Variants in PTPN4 observed in about 807,000 individuals in gnomAD.
PTPN4 encodes the protein tyrosine-protein phosphatase non-receptor type 4.
In PTPN4, 49 loss-of-function variants were observed where a neutral mutation model predicts 135.5. The observed-to-expected ratio is 0.36, with a 90% CI of 0.29 to 0.46. The LOEUF is 0.46. PTPN4 is among the 20% of genes least tolerant of loss of function. The pLI is 1.00. For missense variants in PTPN4, 860 were observed against 1,101.0 expected (o/e 0.78, Z 3.10); for synonymous variants, 333 against 369.9 (o/e 0.90, Z 1.14).
Position 119,946,432 on chromosome 2 carries a change from G to C in PTPN4, c.1599+8G>C. 6.2e-7 allele frequency: 1 copy of C among 1,602,470 alleles called. No homozygotes were observed. Among genetic ancestry groups the C allele is most frequent in the Non-Finnish European group, 8.5e-7 (1 of 1,172,400 alleles). ...TTTGGATTCAATGTAAAGGTAATCT[G>C]GAATTTATTTTATACTCAGTTTTTA... On this transcript the variant is annotated splice_region_variant and intron_variant, in intron 17 of 26. Coordinates refer to ENST00000263708, the MANE Select transcript of PTPN4 (RefSeq NM_002830.4).
chr2:119,837,706 C>T (rs960047190), intron 2 of PTPN4, among the ~76,000 whole-genome samples: 1 of 152,204 alleles, frequency 6.6e-6, no homozygotes, highest in Non-Finnish European at 1.5e-5. Context: ...CTTTTAATTA[C>T]GTAGCTAAGC....
intron 8 of PTPN4, among the ~76,000 whole-genome samples, chr2:119,884,503 A>G (rs1013974008): frequency 6.6e-6 from 1 of 152,194 alleles, no homozygotes; most frequent in Non-Finnish European, 1.5e-5. Context: ...AAATAGACTA[A>G]TGACTGAGTT....
At chr2:119,796,860 T>TTGTG (rs112883330) in intron 1 of PTPN4, among the ~76,000 whole-genome samples, 97 of 147,642 alleles carry the variant, frequency 6.6e-4, no homozygotes, top group South Asian at 2.0e-3. Flanking sequence ...GTCACTGTTT[T>TTGTG]TGTGTGTGTG....
chr2:119,782,946 G>C (rs944455719), intron 1 of PTPN4, among the ~76,000 whole-genome samples: 5 of 150,362 alleles, frequency 3.3e-5, no homozygotes, highest in African/African-American at 1.2e-4. Flanking sequence ...GGGCTCAAGG[G>C]ATCCTCCTGC....
At position 119,782,430 on chromosome 2, in the gene PTPN4, GAAAA is replaced by G. The variant is rs200162890; in HGVS notation, c.-18+22052_-18+22055del. On this transcript the variant is annotated intron_variant, in intron 1 of 26. Transcript: ENST00000263708. ...CGAGACTCCGTCTAAAAAACGAAAA[GAAAA>G]AAAAATTCTTAAGTTATATGAGTCA... Among the ~76,000 whole-genome samples, 6 of 150,584 alleles carry G rather than the reference GAAAA, an allele frequency of 4.0e-5. 1 individual carries two copies. The South Asian group carries it at 1.3e-3, about 32-fold the overall frequency.
intron 2 of PTPN4, among the ~76,000 whole-genome samples, chr2:119,845,226 A>AC: frequency 1.7e-5 from 1 of 57,790 alleles, no homozygotes; most frequent in East Asian, 6.7e-4. Context: ...TGAGAGGGAG[A>AC]CCGTGGGGAG....
intron 1 of PTPN4, among the ~76,000 whole-genome samples, chr2:119,764,355 C>T (rs1558718138): frequency 6.6e-6 from 1 of 152,190 alleles, no homozygotes; most frequent in Non-Finnish European, 1.5e-5. Flanking sequence ...CCCAAATTTA[C>T]CTGCTTGACC....
At chr2:119,965,420 G>C (rs538383789) in intron 24 of PTPN4, 77 bp from the exon 25 acceptor site, 2 of 1,370,744 alleles carry the variant, frequency 1.5e-6, no homozygotes, top group East Asian at 2.4e-5. Flanking sequence ...CTTCTTTCCT[G>C]ATGAATTTTA....
At chr2:119,965,441 A>G (rs1401537947) in intron 24 of PTPN4, 56 bp from the exon 25 acceptor site, 1 of 1,488,166 alleles carries the variant, frequency 6.7e-7, no homozygotes, top group Non-Finnish European at 9.1e-7. Flanking sequence ...TGAGGTTTGT[A>G]GGGACAATTT....
At chr2:119,971,850 C>T (rs1348635348) in intron 26 of PTPN4, among the ~76,000 whole-genome samples, 1 of 152,216 alleles carries the variant, frequency 6.6e-6, no homozygotes, top group African/African-American at 2.4e-5. Flanking sequence ...CAACTTAACT[C>T]TTTTGCATGT....
At chr2:119,967,222 G>T (rs1679457228) in intron 25 of PTPN4, among the ~76,000 whole-genome samples, 1 of 152,220 alleles carries the variant, frequency 6.6e-6, no homozygotes, top group Admixed American at 6.5e-5. Context: ...GAGGCGGGCA[G>T]ATCACCTGAG....
chr2:119,967,804 C>T (rs1029391959), intron 25 of PTPN4, 33 bp from the exon 26 acceptor site: 10 of 1,532,778 alleles, frequency 6.5e-6, no homozygotes, highest in African/African-American at 4.1e-5. Context: ...AGAATAGTAT[C>T]GGTAAGATCT....
chr2:119,814,334 C>T (rs763288627), intron 2 of PTPN4, among the ~76,000 whole-genome samples: 1 of 152,136 alleles, frequency 6.6e-6, no homozygotes, highest in Non-Finnish European at 1.5e-5. Flanking sequence ...ATCAGCTGCA[C>T]ATGATGCTCC....
At chr2:119,873,667 C>T (rs991493040) in intron 3 of PTPN4, among the ~76,000 whole-genome samples, 4 of 152,026 alleles carry the variant, frequency 2.6e-5, no homozygotes, top group Admixed American at 2.0e-4. Context: ...GATGTAGTAC[C>T]GTCTCTTGTT....
At chr2:119,897,093 T>G (rs1239353730) in intron 9 of PTPN4, among the ~76,000 whole-genome samples, 1 of 151,856 alleles carries the variant, frequency 6.6e-6, no homozygotes, top group Non-Finnish European at 1.5e-5. Context: ...CTAATTTTTG[T>G]TTTTTGTTTG....
At chr2:119,805,069 C>G (rs2104944787) in intron 1 of PTPN4, among the ~76,000 whole-genome samples, 1 of 152,272 alleles carries the variant, frequency 6.6e-6, no homozygotes. Flanking sequence ...TGTCTGTTGG[C>G]TGCATAAATG....
At chr2:119,888,326 G>T (rs1449971518) in intron 9 of PTPN4, among the ~76,000 whole-genome samples, 1 of 151,988 alleles carries the variant, frequency 6.6e-6, no homozygotes, top group Non-Finnish European at 1.5e-5. Flanking sequence ...TCCCAATTTG[G>T]ATACCTTTTC....
At chr2:119,886,459 C>T (rs1302567592) in intron 9 of PTPN4, among the ~76,000 whole-genome samples, 1 of 152,188 alleles carries the variant, frequency 6.6e-6, no homozygotes, top group Non-Finnish European at 1.5e-5. Flanking sequence ...AACCTCCTGG[C>T]ATAAGCATAT....
At chr2:119,933,172 C>T (rs1254507508) in intron 14 of PTPN4, among the ~76,000 whole-genome samples, 1 of 151,944 alleles carries the variant, frequency 6.6e-6, no homozygotes, top group Non-Finnish European at 1.5e-5. Flanking sequence ...AATGTACCAG[C>T]CAAAGATGTT....
Sources: gnomAD v4.1 joint callset for allele counts (sites outside exome capture counted in the v4.1 genomes callset) on GRCh38, gnomAD v4.1.1 for gene constraint, MANE v1.5 for transcripts, NCBI Gene and HGNC (gene_info 2026-07-23, HGNC 2026-07-21) for gene names.